Variants in INPP5A observed in about 807,000 individuals in gnomAD.
INPP5A encodes the protein inositol polyphosphate-5-phosphatase A.
A neutral mutation model predicts 65.2 loss-of-function variants in INPP5A; 14 were observed. The observed-to-expected ratio is 0.21, with a 90% CI of 0.14 to 0.34. INPP5A has a LOEUF of 0.34. Among genes scored for constraint, INPP5A ranks in the 10% least tolerant of loss-of-function variants. INPP5A has a pLI of 1.00. For synonymous variants in INPP5A, 207 were observed against 208.3 expected (o/e 0.99, Z 0.05); for missense variants, 431 against 545.6 (o/e 0.79, Z 2.09).
At chr10:132,570,319 C>T (rs2071325596) in intron 1 of INPP5A, among the ~76,000 whole-genome samples, 1 of 152,224 alleles carries the variant, frequency 6.6e-6, no homozygotes, top group Non-Finnish European at 1.5e-5. Context: ...CATTTGGGCT[C>T]ACTGTTAACT....
At chr10:132,557,985 T>C (rs2071148762) in intron 1 of INPP5A, among the ~76,000 whole-genome samples, 1 of 152,192 alleles carries the variant, frequency 6.6e-6, no homozygotes. Context: ...CCAGTGGACC[T>C]GGGGGCTGGA....
chr10:132,714,611 G>A (rs1564978769), intron 8 of INPP5A, among the ~76,000 whole-genome samples: 1 of 152,204 alleles, frequency 6.6e-6, no homozygotes, highest in Admixed American at 6.5e-5. Flanking sequence ...CAGGAGGGAG[G>A]GCAGGTCCCA....
At position 132,707,343 on chromosome 10, in the gene INPP5A, T is replaced by A. The variant is rs1434591887; in HGVS notation, c.475-970T>A. On this transcript the variant is annotated intron_variant, in intron 6 of 15. Coordinates refer to ENST00000368594, the MANE Select transcript of INPP5A (RefSeq NM_005539.5). This position sits in a 1 kb window ranked among gnomAD's most constrained non-coding sequence, Gnocchi z 5.5. ...CTGTTGGCTGCCGTTCCCCCGCCAC[T>A]GCCTGAAGCGCTTTGCTTTGTGGAC... Among the ~76,000 whole-genome samples the A allele has an allele frequency of 7.2e-6, 1 of 138,466 alleles. No individual in the cohort carries two copies. Among genetic ancestry groups the A allele is most frequent in the Non-Finnish European group, 1.6e-5 (1 of 62,104 alleles). 90.8% of individuals were successfully genotyped at this position (138,466 alleles called of 152,430 possible). A position where few individuals can be genotyped will look rare whatever the true frequency, so the allele number is the denominator to read the frequency against.
At chr10:132,735,490 G>T (rs1846160335) in intron 9 of INPP5A, among the ~76,000 whole-genome samples, 1 of 152,228 alleles carries the variant, frequency 6.6e-6, no homozygotes, top group Non-Finnish European at 1.5e-5. Flanking sequence ...GGGCGGTGTT[G>T]GTACGAAGGG....
chr10:132,562,141 G>A (rs1201494261), intron 1 of INPP5A, among the ~76,000 whole-genome samples: 2 of 152,272 alleles, frequency 1.3e-5, no homozygotes, highest in African/African-American at 4.8e-5. Flanking sequence ...ACTGTGCACC[G>A]TGAGGCTCAC....
At chr10:132,761,290 TTGTC>T (rs1846728657) in intron 11 of INPP5A, among the ~76,000 whole-genome samples, 1 of 152,210 alleles carries the variant, frequency 6.6e-6, no homozygotes, top group Non-Finnish European at 1.5e-5. Context: ...AATGCCTAGA[TTGTC>T]TGGAGACCAC....
At chr10:132,693,130 C>T (rs1434343328) in intron 5 of INPP5A, among the ~76,000 whole-genome samples, 1 of 152,126 alleles carries the variant, frequency 6.6e-6, no homozygotes, top group East Asian at 1.9e-4. Flanking sequence ...ATATTGCAAA[C>T]TATGGCAACC....
rs1180876690 is a variant in INPP5A at position 132,644,030 on chromosome 10, C to CCAGACCACCGGAAACACT, written c.118-1826_118-1809dup. Among the ~76,000 whole-genome samples, 1 of 152,098 alleles carries CCAGACCACCGGAAACACT rather than the reference C, an allele frequency of 6.6e-6. No individual in the cohort carries two copies. The highest frequency in any genetic ancestry group is 6.5e-5 in the Admixed American group (1 of 15,280). ...GAGTTGTGCATCAAGACAGCTGGAA[C>CCAGACCACCGGAAACACT]CAGACCACCGGAAACACTCAGACCA... On this transcript the variant is annotated intron_variant, in intron 2 of 15. Coordinates refer to ENST00000368594, the MANE Select transcript of INPP5A (RefSeq NM_005539.5). This position sits in a 1 kb window ranked among gnomAD's most constrained non-coding sequence, Gnocchi z 6.5.
intron 9 of INPP5A, among the ~76,000 whole-genome samples, chr10:132,740,843 C>T (rs924639373): frequency 2.6e-5 from 4 of 152,174 alleles, no homozygotes; most frequent in Non-Finnish European, 5.9e-5. Flanking sequence ...ACATCGTTCA[C>T]CCCCAGCATT....
rs1025938178 is a variant in INPP5A, at chr10:132,616,736, C to T, written c.117+8780C>T. Among the ~76,000 whole-genome samples, 2 of 145,270 alleles carry T rather than the reference C, an allele frequency of 1.4e-5. No homozygotes were observed. Among genetic ancestry groups the T allele is most frequent in the African/African-American group, 2.6e-5 (1 of 38,746 alleles). ...CAGTGTGGGGGACATGGTGACATGG[C>T]GATGTGTCATGTGGTGATGGGGGAC... On this transcript the variant is annotated intron_variant, in intron 2 of 15. Coordinates refer to ENST00000368594, the MANE Select transcript of INPP5A (RefSeq NM_005539.5). This position sits in a 1 kb window ranked among gnomAD's most constrained non-coding sequence, Gnocchi z 4.9.
chr10:132,776,400 C>T (rs1467868391), intron 12 of INPP5A, among the ~76,000 whole-genome samples: 1 of 150,270 alleles, frequency 6.7e-6, no homozygotes, highest in African/African-American at 2.5e-5. Context: ...GGCCCACAGG[C>T]GCCCCTGTGG....
At chr10:132,601,078 C>T (rs1403764319) in intron 1 of INPP5A, among the ~76,000 whole-genome samples, 1 of 152,216 alleles carries the variant, frequency 6.6e-6, no homozygotes, top group Non-Finnish European at 1.5e-5. Flanking sequence ...ATAGCGATGG[C>T]ACCATGTTAC....
intron 1 of INPP5A, among the ~76,000 whole-genome samples, chr10:132,566,020 C>T (rs1242553878): frequency 2.0e-5 from 3 of 151,846 alleles, no homozygotes; most frequent in South Asian, 2.1e-4. Context: ...CTCGGGGAGG[C>T]GTTGTAGCCT....
chr10:132,762,164 G>A lies in INPP5A; in HGVS notation c.904-3609G>A, dbSNP rs567938140. On this transcript the variant is annotated intron_variant, in intron 11 of 15. Coordinates refer to ENST00000368594, the MANE Select transcript of INPP5A (RefSeq NM_005539.5). This position sits in a 1 kb window ranked among gnomAD's most constrained non-coding sequence, Gnocchi z 4.6. ...CTGGGAGAGGAGGGAAGAGCCCAGC[G>A]CTTGCGCAGTGAGGGTCCACGAGGG... 4.6e-5 allele frequency among the ~76,000 whole-genome samples: 7 copies of A among 152,266 alleles called. No individual in the cohort carries two copies. Among genetic ancestry groups the A allele is most frequent in the South Asian group, 4.1e-4 (2 of 4,820 alleles).
At chr10:132,761,966 A>T (rs1846742314) in intron 11 of INPP5A, among the ~76,000 whole-genome samples, 1 of 151,852 alleles carries the variant, frequency 6.6e-6, no homozygotes, top group Non-Finnish European at 1.5e-5. Context: ...CCCAACAGAT[A>T]AAAAAAAGTA....
Position 132,625,840 on chromosome 10 carries a change from CTGTGTGTGTG to C in INPP5A, c.117+17912_117+17921del, listed in dbSNP as rs139839964. On this transcript the variant is annotated intron_variant, in intron 2 of 15. Coordinates refer to ENST00000368594, the MANE Select transcript of INPP5A (RefSeq NM_005539.5). ...TTCTCTGCAAGGGCTGGCAGGACTT[CTGTGTGTGTG>C]TGTGTGTGTGTGTGTGTGTGTGTGT... is the stretch of plus-strand genomic sequence containing the variant. Among the ~76,000 whole-genome samples, 293 of 146,670 alleles carry C rather than the reference CTGTGTGTGTG, an allele frequency of 2.0e-3. 1 individual carries two copies. Among genetic ancestry groups the C allele is most frequent in the Middle Eastern group, 0.01 (3 of 288 alleles).
Position 132,727,063 on chromosome 10 carries a change from C to A in INPP5A, c.732+158C>A. 2.0e-6 allele frequency: 1 copy of A among 499,904 alleles called. No homozygotes were observed. The highest frequency in any genetic ancestry group is 3.5e-6 in the Non-Finnish European group (1 of 284,918). 31.0% of individuals were successfully genotyped at this position (499,904 alleles called of 1,614,324 possible). ...CCTTTCAATGAAGAAGCATGTTTTGCTGTCGGCAGAGGGATCCGTGTTGGA... is the reference window on the plus strand; with the variant it reads ...CCTTTCAATGAAGAAGCATGTTTTGATGTCGGCAGAGGGATCCGTGTTGGA... On this transcript the variant is annotated intron_variant, in intron 9 of 15. Coordinates refer to ENST00000368594, the MANE Select transcript of INPP5A (RefSeq NM_005539.5). The surrounding 1 kb of genome is among the most constrained non-coding windows in gnomAD (Gnocchi z 6.5).
intron 8 of INPP5A, among the ~76,000 whole-genome samples, chr10:132,716,410 C>T (rs1554950083): frequency 6.6e-6 from 1 of 152,248 alleles, no homozygotes; most frequent in Non-Finnish European, 1.5e-5. Context: ...TGTCTTTACA[C>T]ATGTCATCGC....
In INPP5A at chr10:132,718,373, G is replaced by A. The variant is rs544898413; in HGVS notation, c.647+7917G>A. ...ACAGCTGTCTTCAGGGTTCTGTGGT[G>A]CCTGGGTTCTGTCTGGGCGCCTTAG... On this transcript the variant is annotated intron_variant, in intron 8 of 15. Transcript: ENST00000368594. 9.7e-3 allele frequency among the ~76,000 whole-genome samples: 1,303 copies of A among 134,802 alleles called. 7 individuals carry two copies. The highest frequency in any genetic ancestry group is 0.053 in the Middle Eastern group (10 of 188). The allele number at this position is 134,802 out of a possible 152,430, so 88.4% of individuals were successfully genotyped here.
Sources: allele counts gnomAD v4.1 joint callset (sites outside exome capture counted in the v4.1 genomes callset), GRCh38; gene constraint gnomAD v4.1.1; non-coding constraint Gnocchi (gnomAD v3.1); transcripts MANE v1.5; gene names NCBI Gene and HGNC (gene_info 2026-07-23, HGNC 2026-07-21).